ANKRD13C: variants seen among roughly 807,000 people sequenced by gnomAD.
ANKRD13C encodes the protein ankyrin repeat domain 13C.
In ANKRD13C, 16 loss-of-function variants were observed where a neutral mutation model predicts 65.5. That is an observed-to-expected ratio of 0.24 (90% CI 0.17 to 0.37). The LOEUF (loss-of-function observed/expected upper bound fraction) is 0.37. Ranked by LOEUF, ANKRD13C falls within the 10% of genes least tolerant of loss-of-function variation. ANKRD13C has a pLI of 1.00. For synonymous variants in ANKRD13C, 235 were observed against 238.7 expected (o/e 0.98, Z 0.14); for missense variants, 503 against 655.9 (o/e 0.77, Z 2.55).
chr1:70,267,693 TTTTC>T (rs1435685264), intron 12 of ANKRD13C, among the ~76,000 whole-genome samples: 1 of 152,220 alleles, frequency 6.6e-6, no homozygotes, highest in Non-Finnish European at 1.5e-5. Context: ...CATTTCTCTG[TTTTC>T]TTTTTCTTGC....
chr1:70,291,875 T>C (rs149462320), intron 9 of ANKRD13C, among the ~76,000 whole-genome samples: 4,122 of 151,788 alleles, frequency 0.027, 209 homozygotes, highest in African/African-American at 0.095. Flanking sequence ...TTCTAGCACT[T>C]TGGGAGGCTG....
intron 7 of ANKRD13C, among the ~76,000 whole-genome samples, chr1:70,299,645 T>C (rs536228951): frequency 6.6e-6 from 1 of 152,062 alleles, no homozygotes; most frequent in East Asian, 1.9e-4. Flanking sequence ...AGAAAAGATA[T>C]CAAAAATAAC....
At position 70,274,840 on chromosome 1, in the gene ANKRD13C, T is replaced by C. The variant is rs1205040532; in HGVS notation, c.1296-22A>G. On this transcript the variant is annotated intron_variant, in intron 10 of 12. Transcript: ENST00000370944. ...AGCTCTAAAATGGGAGGAAAAAAAA[T>C]GTTAGGAAACTTTTTCCATAGTCTA... is the stretch of plus-strand genomic sequence containing the variant. The C allele has an allele frequency of 6.6e-6, 10 of 1,520,798 alleles. No individual in the cohort carries two copies. The African/African-American group carries it at 8.2e-5, about 13-fold the overall frequency. The allele number at this position is 1,520,798 out of a possible 1,614,324, so 94.2% of individuals were successfully genotyped here. A position where few individuals can be genotyped will look rare whatever the true frequency, so the allele number is the denominator to read the frequency against.
At position 70,354,649 on chromosome 1, in the gene ANKRD13C, T is replaced by G. The variant is rs1296454052; in HGVS notation, c.-241A>C. 1 of 976,676 alleles carries G rather than the reference T, an allele frequency of 1.0e-6. No homozygotes were observed. The highest frequency in any genetic ancestry group is 2.6e-5 in the East Asian group (1 of 37,816). The allele number at this position is 976,676 out of a possible 1,614,324, so 60.5% of individuals were successfully genotyped here. A position where few individuals can be genotyped will look rare whatever the true frequency, so the allele number is the denominator to read the frequency against. On this transcript the variant is annotated 5_prime_UTR_variant, in exon 1 of 13. Transcript: ENST00000370944. ...AACTCAGGTGCCCACGACACCAGGATCTCAGTCTCGCCGTCGCAGCCGCCG... is the reference window on the plus strand; with the variant it reads ...AACTCAGGTGCCCACGACACCAGGAGCTCAGTCTCGCCGTCGCAGCCGCCG...
chr1:70,271,464 T>C (rs973132017), intron 11 of ANKRD13C, among the ~76,000 whole-genome samples: 2 of 152,232 alleles, frequency 1.3e-5, no homozygotes, highest in African/African-American at 4.8e-5. Flanking sequence ...GATGGATTTC[T>C]TTTTTAAGTA....
intron 9 of ANKRD13C, 76 bp downstream of exon 9, chr1:70,292,312 A>G: frequency 2.6e-6 from 3 of 1,157,654 alleles, no homozygotes; most frequent in Non-Finnish European, 3.6e-6. Flanking sequence ...TTATATACTT[A>G]CTGAATGCCA....
chr1:70,295,904 T>C (rs1680063552), intron 8 of ANKRD13C, among the ~76,000 whole-genome samples: 1 of 152,160 alleles, frequency 6.6e-6, no homozygotes, highest in South Asian at 2.1e-4. Flanking sequence ...ATAAGAGTCC[T>C]TCCTGACACA....
chr1:70,291,347 T>C (rs1679859468), intron 9 of ANKRD13C, among the ~76,000 whole-genome samples: 1 of 152,190 alleles, frequency 6.6e-6, no homozygotes, highest in Admixed American at 6.5e-5. Context: ...GATGAAGGTG[T>C]CCAAGAATTC....
chr1:70,282,054 C>CTTTTT (rs1228023912), intron 9 of ANKRD13C, among the ~76,000 whole-genome samples: 1 of 132,026 alleles, frequency 7.6e-6, no homozygotes, highest in Non-Finnish European at 1.6e-5. Flanking sequence ...TACATATCAT[C>CTTTTT]TTTTTTTTTT....
Position 70,354,492 on chromosome 1 carries a change from A to T in ANKRD13C, c.-84T>A, listed in dbSNP as rs1204946279. Reference sequence around the variant, plus strand: ...CGCTGCGGCGGCACAAGGCGATTAGAGCGGTGGCCAAGAGCCTCCAGCGCA... The same window carrying T: ...CGCTGCGGCGGCACAAGGCGATTAGTGCGGTGGCCAAGAGCCTCCAGCGCA... On this transcript the variant is annotated 5_prime_UTR_variant, in exon 1 of 13. Transcript: ENST00000370944. 4 of 1,491,426 alleles carry T rather than the reference A, an allele frequency of 2.7e-6. No homozygotes were observed. The highest frequency in any genetic ancestry group is 4.7e-5 in the Admixed American group (2 of 42,836). 92.4% of individuals were successfully genotyped at this position (1,491,426 alleles called of 1,614,324 possible).
At chr1:70,342,754 A>C (rs1374256116) in intron 1 of ANKRD13C, among the ~76,000 whole-genome samples, 1 of 150,942 alleles carries the variant, frequency 6.6e-6, no homozygotes, top group Non-Finnish European at 1.5e-5. Flanking sequence ...ACACACACAC[A>C]CACACACACA....
At chr1:70,306,318 A>C in intron 5 of ANKRD13C, 28 bp from the exon 6 acceptor site, 1 of 1,425,246 alleles carries the variant, frequency 7.0e-7, no homozygotes, top group South Asian at 1.5e-5. Flanking sequence ...AAAGGTAAAA[A>C]ATAACTACCT....
In ANKRD13C at chr1:70,275,551, A is replaced by C. The variant is rs571406205; in HGVS notation, c.1296-733T>G. Among the ~76,000 whole-genome samples the C allele has an allele frequency of 4.6e-5, 7 of 152,034 alleles. No homozygotes were observed. In the East Asian group the frequency reaches 1.4e-3, roughly 29 times the overall value. ...CTGGCCCATTTCAAAGTTCAGTTTA[A>C]TTATGTAGTACTTAGCAGAAGTAAC... On this transcript the variant is annotated intron_variant, in intron 10 of 12. Transcript: ENST00000370944.
chr1:70,349,899 G>A (rs927988383), intron 1 of ANKRD13C, among the ~76,000 whole-genome samples: 1 of 152,200 alleles, frequency 6.6e-6, no homozygotes, highest in African/African-American at 2.4e-5. Context: ...ACTTTTGTAG[G>A]CTGAGGTGGG....
In ANKRD13C at chr1:70,354,409, C is replaced by A. The variant is rs771744007; in HGVS notation, c.-1G>T. ...GTGAGCGGATCTTCTCCCCGGTCAT[C>A]GCCGCCGCCAGGGGCAAGGGGGGGA... is the stretch of plus-strand genomic sequence containing the variant. On this transcript the variant is annotated 5_prime_UTR_variant, in exon 1 of 13. Transcript: ENST00000370944. 1.9e-6 allele frequency: 3 copies of A among 1,609,638 alleles called. No individual in the cohort carries two copies. The South Asian group carries it at 3.3e-5, about 18-fold the overall frequency.
chr1:70,292,016 G>C (rs1401932455), intron 9 of ANKRD13C: 1 of 153,142 alleles, frequency 6.5e-6, no homozygotes, highest in Non-Finnish European at 1.4e-5. Context: ...TACCTGGCGG[G>C]GATGAGGCAG....
intron 1 of ANKRD13C, among the ~76,000 whole-genome samples, chr1:70,345,586 C>T (rs963639939): frequency 1.3e-4 from 20 of 152,022 alleles, no homozygotes; most frequent in Admixed American, 9.8e-4. Context: ...TGAAAAACAC[C>T]GGTTGACCAG....
chr1:70,331,315 C>T (rs951734078), intron 2 of ANKRD13C, among the ~76,000 whole-genome samples: 2 of 151,798 alleles, frequency 1.3e-5, no homozygotes, highest in Admixed American at 1.3e-4. Context: ...AATCTCAACA[C>T]TCTGGGAGGC....
At chr1:70,313,681 G>T in intron 5 of ANKRD13C, 64 bp downstream of exon 5, 3 of 1,186,516 alleles carry the variant, frequency 2.5e-6, no homozygotes, top group South Asian at 1.3e-5. Context: ...TATATGATAG[G>T]TATTTTTGTA....
Sources: gnomAD v4.1 joint callset for allele counts (sites outside exome capture counted in the v4.1 genomes callset) on GRCh38, gnomAD v4.1.1 for gene constraint, MANE v1.5 for transcripts, NCBI Gene and HGNC (gene_info 2026-07-23, HGNC 2026-07-21) for gene names.